The following CDKL3 variants were observed in gnomAD, a reference collection of about 807,000 sequenced individuals.
CDKL3 encodes the protein cyclin dependent kinase like 3.
In CDKL3, 65 loss-of-function variants were observed where a neutral mutation model predicts 69.3. The observed-to-expected ratio is 0.94, with a 90% CI of 0.77 to 1.15. The LOEUF (loss-of-function observed/expected upper bound fraction) is 1.15, where lower values mean the gene tolerates loss of function less well. Among genes scored for constraint, CDKL3 ranks in the 50% most tolerant of loss-of-function variants. CDKL3 has a pLI of 0.00. For synonymous variants in CDKL3, 202 were observed against 221.6 expected, an observed-to-expected ratio of 0.91 and a Z score of 0.79; for missense variants, 652 against 689.2, an observed-to-expected ratio of 0.95 and a Z score of 0.61.
At chr5:134,366,143 TA>T (rs1398963137) in intron 2 of CDKL3, among the ~76,000 whole-genome samples, 6 of 152,198 alleles carry the variant, frequency 3.9e-5, no homozygotes, top group African/African-American at 1.4e-4. Context: ...TATTTCTGAA[TA>T]ATTATTAAAC....
chr5:134,316,373 G>T (rs372467654), intron 6 of CDKL3, among the ~76,000 whole-genome samples: 25 of 152,348 alleles, frequency 1.6e-4, no homozygotes, highest in African/African-American at 6.0e-4. Flanking sequence ...GCCAAGGCAG[G>T]TGGATCACAA....
chr5:134,318,591 T>A (rs1372112986), intron 6 of CDKL3, among the ~76,000 whole-genome samples: 2 of 152,140 alleles, frequency 1.3e-5, no homozygotes, highest in Non-Finnish European at 2.9e-5. Flanking sequence ...GTTCAAGTAA[T>A]TCTCCTGCCT....
At chr5:134,296,155 C>A (rs1561486396), downstream of CDKL3, among the ~76,000 whole-genome samples, 1 of 152,088 alleles carries the variant, frequency 6.6e-6, no homozygotes, top group Non-Finnish European at 1.5e-5. Flanking sequence ...CCTCGGCCTC[C>A]CAAAGTGCTG....
chr5:134,296,979 T>C (rs1217871159), downstream of CDKL3, among the ~76,000 whole-genome samples: 3 of 144,676 alleles, frequency 2.1e-5, no homozygotes, highest in East Asian at 4.0e-4. Flanking sequence ...TGAGACTTGG[T>C]CTCACTCTTG....
Position 134,317,232 on chromosome 5 carries a change from T to A in CDKL3, c.792+2126A>T, listed in dbSNP as rs572111470. ...CTCACTGCAACCTCTGCCTCCCAGGTTCAAGTGATTCTCCTGTCTCAGCCT... is the reference window on the plus strand; with the variant it reads ...CTCACTGCAACCTCTGCCTCCCAGGATCAAGTGATTCTCCTGTCTCAGCCT... On this transcript the variant is annotated intron_variant, in intron 6 of 12. Coordinates refer to ENST00000265334, the MANE Select transcript of CDKL3 (RefSeq NM_001113575.2). Among the ~76,000 whole-genome samples the A allele has an allele frequency of 7.9e-5, 12 of 152,154 alleles. No homozygotes were observed. In the East Asian group the frequency reaches 2.3e-3, roughly 29 times the overall value.
chr5:134,369,438 G>C (rs1758102635), upstream of CDKL3, among the ~76,000 whole-genome samples: 1 of 152,140 alleles, frequency 6.6e-6, no homozygotes, highest in Admixed American at 6.5e-5. Context: ...GGGGTAGGAG[G>C]AGGACCTCAG....
chr5:134,350,079 T>C (rs1224613977), intron 4 of CDKL3, among the ~76,000 whole-genome samples, 170 bp downstream of exon 4: 3 of 152,086 alleles, frequency 2.0e-5, no homozygotes, highest in Non-Finnish European at 4.4e-5. Flanking sequence ...TCCCAACTAC[T>C]TGGGAGGCTG....
chr5:134,308,593 C>G lies in CDKL3; in HGVS notation c.1016G>C (p.Ser339Thr). 2 of 1,595,444 alleles carry G rather than the reference C, an allele frequency of 1.3e-6. No individual in the cohort carries two copies. Among genetic ancestry groups the G allele is most frequent in the Non-Finnish European group, 1.7e-6 (2 of 1,175,088 alleles). ...TCTTACCTTTCCCAAAACTGAACTA[C>G]TTAGCAGTGTATTGGTATAAACTGT... ...RKTVYTNTLL[S>T]SSVLGKEIEK... Residue 339 changes from serine to threonine, a missense_variant, in exon 8 of 13, where the codon AGT (serine) becomes ACT (threonine). By Grantham distance (58) the Ser-to-Thr change is moderately conservative. Coordinates refer to ENST00000265334, the MANE Select transcript of CDKL3 (RefSeq NM_001113575.2).
intron 2 of CDKL3, 22 bp from the exon 3 acceptor site, chr5:134,360,113 C>T: frequency 2.7e-6 from 4 of 1,476,734 alleles, no homozygotes; most frequent in South Asian, 1.3e-5. Context: ...AGAAACAACA[C>T]AAATTTTTAA....
At chr5:134,349,580 A>C (rs1752737205) in intron 4 of CDKL3, among the ~76,000 whole-genome samples, 2 of 152,220 alleles carry the variant, frequency 1.3e-5, no homozygotes, top group African/African-American at 4.8e-5. Context: ...AAGGTAAATG[A>C]TTTCAAATCT....
intron 4 of CDKL3, among the ~76,000 whole-genome samples, chr5:134,334,911 G>A (rs1488485949): frequency 6.6e-6 from 1 of 151,938 alleles, no homozygotes; most frequent in East Asian, 1.9e-4. Flanking sequence ...TTGACCGTGG[G>A]GTGTTAAATT....
chr5:134,307,741 G>A (rs937323030), intron 9 of CDKL3, among the ~76,000 whole-genome samples: 2 of 152,236 alleles, frequency 1.3e-5, no homozygotes, highest in African/African-American at 4.8e-5. Flanking sequence ...TTTGACTTAC[G>A]AAAGATTATT....
At chr5:134,303,676 C>CG (rs1200752694) in intron 11 of CDKL3, among the ~76,000 whole-genome samples, 10 of 151,400 alleles carry the variant, frequency 6.6e-5, no homozygotes, top group Non-Finnish European at 1.2e-4. Context: ...GAACCCCCCC[C>CG]CCGTCTCTAC....
At chr5:134,362,766 T>C (rs1756360954) in intron 2 of CDKL3, among the ~76,000 whole-genome samples, 1 of 151,880 alleles carries the variant, frequency 6.6e-6, no homozygotes, top group Non-Finnish European at 1.5e-5. Flanking sequence ...CCGTCTCTAC[T>C]AAAAATACAA....
chr5:134,371,451 AT>A, upstream of CDKL3: 1 of 977,324 alleles, frequency 1.0e-6, no homozygotes, highest in Non-Finnish European at 1.5e-6. Context: ...GGGAGACGTC[AT>A]TGCAGGGTTG....
At chr5:134,327,350 T>C (rs752008197) in intron 4 of CDKL3, among the ~76,000 whole-genome samples, 1 of 152,140 alleles carries the variant, frequency 6.6e-6, no homozygotes, top group Non-Finnish European at 1.5e-5. Context: ...TAGTCACCTC[T>C]TAAGAGCAAC....
chr5:134,350,322 T>C lies in CDKL3; in HGVS notation c.466A>G (p.Ile156Val). 6.3e-7 allele frequency: 1 copy of C among 1,595,016 alleles called. No individual in the cohort carries two copies. Among genetic ancestry groups the C allele is most frequent in the Non-Finnish European group, 8.5e-7 (1 of 1,170,378 alleles). ...CGTGTGGCCACATAGTCCGTATAAATGTCCCCAGGAGCTGCTAGTGTTCGT... is the reference window on the plus strand; with the variant it reads ...CGTGTGGCCACATAGTCCGTATAAACGTCCCCAGGAGCTGCTAGTGTTCGT... ...FARTLAAPGD[I>V]YTDYVATRWY... Residue 156 changes from isoleucine to valine, a missense_variant, in exon 4 of 13, where the codon ATT becomes GTT. By Grantham distance (29) the Ile-to-Val change is conservative (BLOSUM62 3). Coordinates refer to ENST00000265334, the MANE Select transcript of CDKL3 (RefSeq NM_001113575.2).
rs899550316 is a variant in CDKL3 at position 134,329,718 on chromosome 5, C to G, written c.540-7815G>C. ...TCTCCTGACCTCGTGATCCACCCAC[C>G]TCGGCCTCCCAAAGTGCTGGGATTA... On this transcript the variant is annotated intron_variant, in intron 4 of 12. Coordinates refer to ENST00000265334, the MANE Select transcript of CDKL3 (RefSeq NM_001113575.2). Among the ~76,000 whole-genome samples the G allele has an allele frequency of 9.9e-5, 15 of 152,204 alleles. No individual in the cohort carries two copies. In the South Asian group the frequency reaches 2.7e-3, roughly 27 times the overall value.
intron 4 of CDKL3, among the ~76,000 whole-genome samples, chr5:134,331,170 C>G (rs1288882200): frequency 6.6e-6 from 1 of 152,180 alleles, no homozygotes; most frequent in Admixed American, 6.5e-5. Context: ...TACTATTAAT[C>G]ATCCTTCAAT....
Sources: gnomAD v4.1 joint callset for allele counts (sites outside exome capture counted in the v4.1 genomes callset) on GRCh38, gnomAD v4.1.1 for gene constraint, MANE v1.5 for transcripts, NCBI Gene and HGNC (gene_info 2026-07-23, HGNC 2026-07-21) for gene names.